FNDC3B: variants seen among roughly 807,000 people sequenced by gnomAD.
FNDC3B encodes the protein fibronectin type III domain-containing protein 3B.
In FNDC3B, 12 loss-of-function variants were observed where a neutral mutation model predicts 151.5. The observed-to-expected ratio is 0.08, with a 90% CI of 0.05 to 0.13. The LOEUF (loss-of-function observed/expected upper bound fraction) is 0.13. Ranked by LOEUF, FNDC3B falls within the 10% of genes least tolerant of loss-of-function variation. The pLI is 1.00. For synonymous variants in FNDC3B, 528 were observed against 549.0 expected (o/e 0.96, Z 0.54); for missense variants, 1,214 against 1,505.3 (o/e 0.81, Z 3.20).
At chr3:172,136,742 T>TG (rs1351284333) in intron 3 of FNDC3B, among the ~76,000 whole-genome samples, 1 of 152,138 alleles carries the variant, frequency 6.6e-6, no homozygotes, top group Non-Finnish European at 1.5e-5. Flanking sequence ...TGTTTTGAGA[T>TG]GGAGTCTCAC....
intron 3 of FNDC3B, among the ~76,000 whole-genome samples, chr3:172,212,144 A>G (rs569510858): frequency 1.3e-5 from 2 of 152,342 alleles, no homozygotes; most frequent in South Asian, 4.1e-4. Context: ...TATTATGACT[A>G]AAGCTGGGGG....
intron 1 of FNDC3B, among the ~76,000 whole-genome samples, chr3:172,065,532 A>G (rs961373875): frequency 4.6e-5 from 7 of 152,224 alleles, no homozygotes; most frequent in Admixed American, 2.0e-4. Flanking sequence ...ATCGCTGTTC[A>G]GTTTGGAATA....
chr3:172,115,033 T>C (rs970677014), intron 2 of FNDC3B, among the ~76,000 whole-genome samples: 1 of 152,220 alleles, frequency 6.6e-6, no homozygotes, highest in Non-Finnish European at 1.5e-5. Flanking sequence ...GTTAGAAATG[T>C]CCCTCTCAGC....
chr3:172,372,357 T>C (rs1734921394), intron 23 of FNDC3B, among the ~76,000 whole-genome samples: 1 of 152,118 alleles, frequency 6.6e-6, no homozygotes, highest in African/African-American at 2.4e-5. Context: ...GGGCTGGGGC[T>C]CCTGTGGTAC....
chr3:172,043,881 A>G (rs780793364), intron 1 of FNDC3B, among the ~76,000 whole-genome samples: 7 of 152,238 alleles, frequency 4.6e-5, no homozygotes, highest in Non-Finnish European at 8.8e-5. Flanking sequence ...TAAGAGTACA[A>G]ATAGGAAGCA....
At chr3:172,121,152 A>G (rs150822929) in intron 2 of FNDC3B, among the ~76,000 whole-genome samples, 28 of 152,302 alleles carry the variant, frequency 1.8e-4, no homozygotes, top group Non-Finnish European at 3.2e-4. Flanking sequence ...CGGGTTTGGA[A>G]TCTGGAAATT....
At chr3:172,091,593 A>G (rs558863597) in intron 1 of FNDC3B, among the ~76,000 whole-genome samples, 3 of 152,230 alleles carry the variant, frequency 2.0e-5, no homozygotes, top group Admixed American at 2.0e-4. Context: ...GCATGCATGC[A>G]TGTTTGTGTA....
chr3:172,228,840 C>T (rs949999641), intron 4 of FNDC3B, among the ~76,000 whole-genome samples: 3 of 152,014 alleles, frequency 2.0e-5, no homozygotes, highest in Non-Finnish European at 4.4e-5. Flanking sequence ...AATGACCTTC[C>T]GTGATAGTAT....
At chr3:172,146,088 CAGGCGTG>C (rs2108593665) in intron 3 of FNDC3B, among the ~76,000 whole-genome samples, 1 of 152,256 alleles carries the variant, frequency 6.6e-6, no homozygotes, top group African/African-American at 2.4e-5. Flanking sequence ...GCTGGGATTA[CAGGCGTG>C]AGCCACCGTG....
intron 1 of FNDC3B, among the ~76,000 whole-genome samples, chr3:172,110,236 T>A (rs1719891398): frequency 6.6e-6 from 1 of 152,170 alleles, no homozygotes; most frequent in Non-Finnish European, 1.5e-5. Context: ...ATCACAACTG[T>A]CTTCTCTTAC....
rs375162913 is a variant in FNDC3B, at chr3:172,052,321, G to A, written c.-29+12550G>A. On this transcript the variant is annotated intron_variant, in intron 1 of 25. Coordinates refer to ENST00000415807, the MANE Select transcript of FNDC3B (RefSeq NM_022763.4). ...TGGAAGTCTTGGGCTCAAGCGATCC[G>A]CCCACCTTGGCGTCCCTAAGTGCTG... Among the ~76,000 whole-genome samples the A allele has an allele frequency of 1.5e-4, 22 of 151,642 alleles. 1 individual carries two copies. Among genetic ancestry groups the A allele is most frequent in the East Asian group, 1.2e-3 (6 of 5,164 alleles).
chr3:172,373,221 C>T (rs111531814), intron 23 of FNDC3B, among the ~76,000 whole-genome samples: 5,604 of 152,276 alleles, frequency 0.037, 121 homozygotes, highest in Non-Finnish European at 0.043. Context: ...TAGGTCCTCC[C>T]ATTTCCAGTT....
intron 3 of FNDC3B, among the ~76,000 whole-genome samples, chr3:172,174,930 G>GC (rs1163688070): frequency 0.042 from 611 of 14,700 alleles, 7 homozygotes; most frequent in African/African-American, 0.059. Context: ...CCTTCCCCCC[G>GC]CCACCCCCCC....
intron 6 of FNDC3B, among the ~76,000 whole-genome samples, chr3:172,253,163 C>T (rs901596971): frequency 6.6e-6 from 1 of 152,128 alleles, no homozygotes; most frequent in Non-Finnish European, 1.5e-5. Flanking sequence ...CCTTGCCTTG[C>T]ACCAAAACTG....
chr3:172,258,798 G>A (rs1351081392), intron 6 of FNDC3B, among the ~76,000 whole-genome samples: 1 of 152,222 alleles, frequency 6.6e-6, no homozygotes, highest in Non-Finnish European at 1.5e-5. Context: ...CCCTGTAACA[G>A]ATAATGCTTG....
intron 6 of FNDC3B, among the ~76,000 whole-genome samples, chr3:172,274,045 G>A (rs1441469183): frequency 6.6e-6 from 1 of 152,194 alleles, no homozygotes; most frequent in African/African-American, 2.4e-5. Context: ...CAGTGTTCTA[G>A]CCTCAGAACA....
At chr3:172,199,386 A>G in intron 3 of FNDC3B, among the ~76,000 whole-genome samples, 1 of 149,776 alleles carries the variant, frequency 6.7e-6, no homozygotes. Context: ...TCACCGTGTT[A>G]GCCAGGATGG....
chr3:172,165,022 G>A (rs139791627), intron 3 of FNDC3B, among the ~76,000 whole-genome samples: 120 of 152,218 alleles, frequency 7.9e-4, no homozygotes, highest in Non-Finnish European at 1.4e-3. Flanking sequence ...GGTTTTATTT[G>A]TTTGTTTGGA....
At position 172,362,611 on chromosome 3, in the gene FNDC3B, A is replaced by ATT. The variant is rs553297947; in HGVS notation, c.2796-13_2796-12dup. ...TGCTGCTTTAACCTGCATTGTCTGT[A>ATT]TTTTTTTTTTCCTTTCTCTAGGATC... On this transcript the variant is annotated intron_variant, in intron 22 of 25. Transcript: ENST00000415807. 6.3e-6 allele frequency: 9 copies of ATT among 1,439,758 alleles called. No individual in the cohort carries two copies. The African/African-American group carries it at 7.1e-5, about 11-fold the overall frequency. The allele number at this position is 1,439,758 out of a possible 1,614,324, so 89.2% of individuals were successfully genotyped here.
Sources: gnomAD v4.1 joint callset for allele counts (sites outside exome capture counted in the v4.1 genomes callset) on GRCh38, gnomAD v4.1.1 for gene constraint, MANE v1.5 for transcripts, NCBI Gene and HGNC (gene_info 2026-07-23, HGNC 2026-07-21) for gene names.